UST: variants seen among roughly 807,000 people sequenced by gnomAD.
UST encodes the protein chondroitin sulfate 2-O-sulfotransferase.
UST carries 21 observed loss-of-function variants against 45.6 expected under a neutral mutation model. The ratio of observed to expected loss-of-function variants is 0.46; its 90% CI spans 0.33 to 0.66. The LOEUF is 0.66. UST is among the 30% of genes least tolerant of loss of function. UST has a pLI of 0.02. For synonymous variants in UST, 215 were observed against 200.6 expected (o/e 1.07, Z -0.61); for missense variants, 463 against 512.4 (o/e 0.90, Z 0.93).
At chr6:148,985,162 G>A (rs1324355461) in intron 5 of UST, among the ~76,000 whole-genome samples, 1 of 152,160 alleles carries the variant, frequency 6.6e-6, no homozygotes, top group African/African-American at 2.4e-5. Context: ...GCAGAAAAGT[G>A]GGCTGTGCTG....
chr6:148,858,292 G>C (rs1778243018), intron 1 of UST, among the ~76,000 whole-genome samples: 1 of 152,108 alleles, frequency 6.6e-6, no homozygotes, highest in Non-Finnish European at 1.5e-5. Flanking sequence ...AGAGCCCCTG[G>C]AAAATCACTG....
intron 7 of UST, among the ~76,000 whole-genome samples, chr6:149,034,359 C>T (rs1776197339): frequency 6.6e-6 from 1 of 152,172 alleles, no homozygotes; most frequent in African/African-American, 2.4e-5. Flanking sequence ...TATTAATTAC[C>T]AGATAAGTAT....
intron 4 of UST, among the ~76,000 whole-genome samples, chr6:148,954,877 A>G (rs1780452866): frequency 6.6e-6 from 1 of 152,206 alleles, no homozygotes; most frequent in Admixed American, 6.5e-5. Flanking sequence ...TACTAGCTTC[A>G]GGTTCTGAGT....
At chr6:148,818,100 A>G (rs1777388812) in intron 1 of UST, among the ~76,000 whole-genome samples, 1 of 152,210 alleles carries the variant, frequency 6.6e-6, no homozygotes, top group Non-Finnish European at 1.5e-5. Flanking sequence ...GACCTTCACC[A>G]GGAGACTTTG....
chr6:148,785,161 A>G (rs1309493903), intron 1 of UST, among the ~76,000 whole-genome samples: 1 of 151,744 alleles, frequency 6.6e-6, no homozygotes, highest in Non-Finnish European at 1.5e-5. Context: ...AGACTGAGCC[A>G]CTGCACTGCA....
At chr6:148,767,387 G>A (rs1317209808) in intron 1 of UST, among the ~76,000 whole-genome samples, 1 of 152,140 alleles carries the variant, frequency 6.6e-6, no homozygotes, top group Non-Finnish European at 1.5e-5. Flanking sequence ...TTAAAATATA[G>A]GCTATTTGGA....
Position 148,755,924 on chromosome 6 carries a change from G to A in UST, c.247+8247G>A, listed in dbSNP as rs1425378794. Reference sequence around the variant, plus strand: ...CACAACGTGCAGGTTTGTTACATACGTATACATGTGCCATCTTGGTGTGCT... The same window carrying A: ...CACAACGTGCAGGTTTGTTACATACATATACATGTGCCATCTTGGTGTGCT... On this transcript the variant is annotated intron_variant, in intron 1 of 7. Transcript: ENST00000367463. Among the ~76,000 whole-genome samples the A allele has an allele frequency of 4.6e-5, 7 of 151,920 alleles. No homozygotes were observed. In the East Asian group the frequency reaches 1.2e-3, roughly 25 times the overall value.
chr6:148,771,978 C>A (rs1322190741), intron 1 of UST, among the ~76,000 whole-genome samples: 1 of 152,162 alleles, frequency 6.6e-6, no homozygotes, highest in Non-Finnish European at 1.5e-5. Flanking sequence ...ATCATAGGGA[C>A]AATACCTCCT....
intron 1 of UST, among the ~76,000 whole-genome samples, chr6:148,821,452 T>C (rs977690725): frequency 6.6e-6 from 1 of 152,228 alleles, no homozygotes; most frequent in Non-Finnish European, 1.5e-5. Context: ...TGAGGCTGAC[T>C]TGTCTTATCA....
intron 1 of UST, among the ~76,000 whole-genome samples, chr6:148,777,397 G>A (rs1460941214): frequency 6.6e-6 from 1 of 152,130 alleles, no homozygotes; most frequent in African/African-American, 2.4e-5. Flanking sequence ...TAAAAGATTC[G>A]TTTTGCTAAA....
At chr6:148,864,286 C>T (rs926808101) in intron 1 of UST, among the ~76,000 whole-genome samples, 13 of 152,218 alleles carry the variant, frequency 8.5e-5, no homozygotes, top group East Asian at 1.9e-4. Flanking sequence ...GCTCCATGGG[C>T]GTGGGACCCT....
intron 1 of UST, among the ~76,000 whole-genome samples, chr6:148,881,748 GA>G (rs955373949): frequency 3.3e-5 from 5 of 152,188 alleles, no homozygotes; most frequent in African/African-American, 1.2e-4. Context: ...AGAGTAGCCA[GA>G]AGCTCCTTTG....
chr6:148,864,514 C>T (rs112846116), intron 1 of UST, among the ~76,000 whole-genome samples: 2,044 of 152,332 alleles, frequency 0.013, 30 homozygotes, highest in Admixed American at 0.025. Context: ...CACTGTCCGA[C>T]AAGCCCCAGT....
At chr6:148,808,427 AG>A (rs1020580586) in intron 1 of UST, among the ~76,000 whole-genome samples, 1 of 151,940 alleles carries the variant, frequency 6.6e-6, no homozygotes, top group Non-Finnish European at 1.5e-5. Context: ...CCTGCTTGTG[AG>A]GGGGGTGGGC....
chr6:148,840,960 C>T (rs9377163), intron 1 of UST, among the ~76,000 whole-genome samples: 18 of 150,856 alleles, frequency 1.2e-4, no homozygotes, highest in African/African-American at 4.4e-4. Context: ...GCTGTAGCCT[C>T]TGGTATTTAT....
At chr6:148,931,781 C>T (rs1779925920) in intron 2 of UST, among the ~76,000 whole-genome samples, 2 of 152,176 alleles carry the variant, frequency 1.3e-5, no homozygotes, top group African/African-American at 4.8e-5. Flanking sequence ...ACAGGACTTC[C>T]ACATCCACGT....
intron 1 of UST, among the ~76,000 whole-genome samples, chr6:148,800,563 A>G (rs1212362237): frequency 9.9e-6 from 1 of 100,850 alleles, no homozygotes; most frequent in East Asian, 4.4e-4. Context: ...ACTGGTTACC[A>G]GGAATGATTA....
At position 148,748,398 on chromosome 6, in the gene UST, CTT is replaced by C. The variant is rs1775918883; in HGVS notation, c.247+722_247+723del. 1.7e-5 allele frequency among the ~76,000 whole-genome samples: 2 copies of C among 116,244 alleles called. No homozygotes were observed. Among genetic ancestry groups the C allele is most frequent in the South Asian group, 3.0e-4 (1 of 3,376 alleles). The allele number at this position is 116,244 out of a possible 152,430, so 76.3% of individuals were successfully genotyped here. The stretch of plus-strand genomic sequence containing the variant: ...TGTGCGTCTCAAGCTCAAGTCAAAA[CTT>C]GTGTGTGTGTGTGTGTGTGTGTGTG... On this transcript the variant is annotated intron_variant, in intron 1 of 7. Transcript: ENST00000367463. This position sits in a 1 kb window ranked among gnomAD's most constrained non-coding sequence, Gnocchi z 5.3.
chr6:148,838,963 A>G (rs146929586), intron 1 of UST, among the ~76,000 whole-genome samples: 316 of 152,288 alleles, frequency 2.1e-3, no homozygotes, highest in African/African-American at 6.9e-3. Context: ...CAGCTGCCCA[A>G]TATTCAATTT....
Sources: allele counts gnomAD v4.1 joint callset (sites outside exome capture counted in the v4.1 genomes callset), GRCh38; gene constraint gnomAD v4.1.1; non-coding constraint Gnocchi (gnomAD v3.1); transcripts MANE v1.5; gene names NCBI Gene and HGNC (gene_info 2026-07-23, HGNC 2026-07-21).